Variants in EYS observed in about 807,000 individuals in gnomAD.
EYS encodes the protein protein eyes shut homolog.
In EYS, 250 loss-of-function variants were observed where a neutral mutation model predicts 282.1. The ratio of observed to expected loss-of-function variants is 0.89; its 90% CI spans 0.80 to 0.98. EYS has a LOEUF of 0.98. Ranked by LOEUF, EYS falls within the 50% of genes least tolerant of loss-of-function variation. The pLI is 0.00. For missense variants in EYS, 4,016 were observed against 3,709.0 expected (o/e 1.08, Z -2.15); for synonymous variants, 1,355 against 1,282.9 (o/e 1.06, Z -1.20).
At chr6:64,259,650 G>GCGCACACACACACACACA (rs140354088) in intron 30 of EYS, among the ~76,000 whole-genome samples, 7 of 145,604 alleles carry the variant, frequency 4.8e-5, no homozygotes, top group African/African-American at 1.5e-4. Context: ...TTACACACGC[G>GCGCACACACACACACACA]CACACACACA....
At chr6:65,393,460 C>T (rs1766138623) in intron 7 of EYS, among the ~76,000 whole-genome samples, 1 of 152,110 alleles carries the variant, frequency 6.6e-6, no homozygotes, top group African/African-American at 2.4e-5. Flanking sequence ...GGAAGCATTC[C>T]ATTAATTAAT....
At chr6:63,730,965 G>A (rs1403731705) in intron 41 of EYS, among the ~76,000 whole-genome samples, 1 of 152,178 alleles carries the variant, frequency 6.6e-6, no homozygotes, top group African/African-American at 2.4e-5. Flanking sequence ...AGGTTGCAGT[G>A]AGTTGAGATC....
intron 2 of EYS, among the ~76,000 whole-genome samples, chr6:65,499,205 C>T (rs888426126): frequency 6.6e-6 from 1 of 151,906 alleles, no homozygotes; most frequent in Non-Finnish European, 1.5e-5. Context: ...AACAATATTT[C>T]TTCTTTCACA....
intron 12 of EYS, among the ~76,000 whole-genome samples, chr6:65,127,160 A>T (rs1207038222): frequency 3.3e-5 from 5 of 152,164 alleles, no homozygotes; most frequent in African/African-American, 9.6e-5. Context: ...GATAATTCCA[A>T]TCAACACAGT....
chr6:65,090,525 T>C (rs557523054), intron 12 of EYS, among the ~76,000 whole-genome samples: 10 of 152,164 alleles, frequency 6.6e-5, no homozygotes, highest in Non-Finnish European at 1.5e-4. Flanking sequence ...AGAAATATAC[T>C]GGATTTGACT....
chr6:65,433,795 C>T (rs1767966125), intron 5 of EYS, among the ~76,000 whole-genome samples: 1 of 152,120 alleles, frequency 6.6e-6, no homozygotes, highest in Non-Finnish European at 1.5e-5. Flanking sequence ...TACTTGATCA[C>T]GATTTGGCTC....
intron 35 of EYS, among the ~76,000 whole-genome samples, chr6:63,871,259 A>G (rs1371138996): frequency 1.3e-5 from 2 of 152,220 alleles, no homozygotes; most frequent in Non-Finnish European, 2.9e-5. Flanking sequence ...GGCAATAGAC[A>G]TTGAAACGTT....
chr6:65,634,151 T>C lies in EYS; in HGVS notation c.-333+5627A>G, dbSNP rs149849134. On this transcript the variant is annotated intron_variant, in intron 2 of 42. Coordinates refer to ENST00000503581, the MANE Select transcript of EYS (RefSeq NM_001142800.2). Reference sequence around the variant, plus strand: ...CCTGTATTGTGAACAACACCTGGGATTGCAGTCATTACTTAGTATACATGA... The same window carrying C: ...CCTGTATTGTGAACAACACCTGGGACTGCAGTCATTACTTAGTATACATGA... 5.1e-4 allele frequency among the ~76,000 whole-genome samples: 78 copies of C among 152,322 alleles called. 1 individual carries two copies. Among genetic ancestry groups the C allele is most frequent in the African/African-American group, 1.6e-3 (65 of 41,578 alleles).
chr6:65,375,697 G>C (rs1255154522), intron 8 of EYS, among the ~76,000 whole-genome samples: 1 of 152,066 alleles, frequency 6.6e-6, no homozygotes, highest in African/African-American at 2.4e-5. Context: ...ACCGGATGGA[G>C]CTGAAAAACA....
chr6:64,858,500 G>T (rs1766138573), intron 19 of EYS, among the ~76,000 whole-genome samples: 1 of 151,730 alleles, frequency 6.6e-6, no homozygotes, highest in African/African-American at 2.4e-5. Flanking sequence ...TATTATAATT[G>T]CTTTATAATG....
chr6:65,514,538 T>G (rs1157026557), intron 2 of EYS, among the ~76,000 whole-genome samples: 1 of 152,170 alleles, frequency 6.6e-6, no homozygotes, highest in East Asian at 1.9e-4. Context: ...GACTTCAAAC[T>G]ATACTACAAG....
At chr6:63,954,749 A>G (rs1456588544) in intron 35 of EYS, among the ~76,000 whole-genome samples, 1 of 152,078 alleles carries the variant, frequency 6.6e-6, no homozygotes, top group Non-Finnish European at 1.5e-5. Flanking sequence ...ATCTCTTCCC[A>G]CAGAAAGCAA....
chr6:64,295,660 C>T (rs768779894), intron 30 of EYS, among the ~76,000 whole-genome samples: 1 of 147,422 alleles, frequency 6.8e-6, no homozygotes, highest in African/African-American at 2.5e-5. Context: ...ACCGAGAAGG[C>T]GGAGCTTGCA....
intron 35 of EYS, among the ~76,000 whole-genome samples, chr6:63,878,003 T>C (rs948983975): frequency 6.6e-6 from 1 of 152,200 alleles, no homozygotes; most frequent in Admixed American, 6.5e-5. Flanking sequence ...CATCCAGCTT[T>C]GTTCTATTGC....
intron 2 of EYS, among the ~76,000 whole-genome samples, chr6:65,588,571 G>C (rs866232141): frequency 6.6e-6 from 1 of 151,786 alleles, no homozygotes; most frequent in Non-Finnish European, 1.5e-5. Context: ...CTCTGTATTC[G>C]AAATATAATA....
At chr6:64,622,943 T>C (rs1767495537) in intron 23 of EYS, among the ~76,000 whole-genome samples, 1 of 152,128 alleles carries the variant, frequency 6.6e-6, no homozygotes, top group African/African-American at 2.4e-5. Context: ...AGAAAGCAAA[T>C]TGCTGTGAAT....
At chr6:64,811,776 C>T (rs1397623563) in intron 22 of EYS, among the ~76,000 whole-genome samples, 1 of 152,070 alleles carries the variant, frequency 6.6e-6, no homozygotes, top group Non-Finnish European at 1.5e-5. Flanking sequence ...AAACAGATGC[C>T]TATGCCATGC....
chr6:64,827,584 A>C lies in EYS; in HGVS notation c.2993-4762T>G, dbSNP rs117620705. The stretch of plus-strand genomic sequence containing the variant: ...CATAATAGCATGATATTTACAAAGG[A>C]CATAATCAAGTTAATACAGGCATAC... On this transcript the variant is annotated intron_variant, in intron 19 of 42. Coordinates refer to ENST00000503581, the MANE Select transcript of EYS (RefSeq NM_001142800.2). Among the ~76,000 whole-genome samples the C allele has an allele frequency of 1.9e-3, 287 of 152,004 alleles. 3 individuals carry two copies. The highest frequency in any genetic ancestry group is 0.017 in the East Asian group (87 of 5,150).
intron 8 of EYS, among the ~76,000 whole-genome samples, chr6:65,382,531 A>G (rs1372043708): frequency 2.1e-5 from 3 of 143,304 alleles, no homozygotes; most frequent in Non-Finnish European, 4.5e-5. Flanking sequence ...TATGCTATGT[A>G]TTAGTCAAGG....
Sources: gnomAD v4.1 joint callset for allele counts (sites outside exome capture counted in the v4.1 genomes callset) on GRCh38, gnomAD v4.1.1 for gene constraint, MANE v1.5 for transcripts, NCBI Gene and HGNC (gene_info 2026-07-23, HGNC 2026-07-21) for gene names.